OTUD7A: variants seen among roughly 807,000 people sequenced by gnomAD.
OTUD7A encodes the protein OTU domain-containing protein 7A.
OTUD7A carries 12 observed loss-of-function variants against 65.7 expected under a neutral mutation model. That is an observed-to-expected ratio of 0.18 (90% confidence interval 0.12 to 0.30). The LOEUF is 0.30. Ranked by LOEUF, OTUD7A falls within the 10% of genes least tolerant of loss-of-function variation. The pLI is 1.00. For missense variants in OTUD7A, 1,148 were observed against 1,304.8 expected (o/e 0.88, Z 1.85); for synonymous variants, 641 against 586.3 (o/e 1.09, Z -1.35).
chr15:31,669,591 A>AG (rs1266682538), intron 1 of OTUD7A, among the ~76,000 whole-genome samples: 1 of 151,832 alleles, frequency 6.6e-6, no homozygotes, highest in Non-Finnish European at 1.5e-5. Flanking sequence ...TAGAAAGAAA[A>AG]GGGCTTGGTT....
At chr15:31,520,053 A>G (rs2041916944) in intron 8 of OTUD7A, among the ~76,000 whole-genome samples, 1 of 152,218 alleles carries the variant, frequency 6.6e-6, no homozygotes, top group Non-Finnish European at 1.5e-5. Flanking sequence ...ACATCATTAA[A>G]ATGACTATAT....
In OTUD7A at chr15:31,475,895, A is replaced by C. The variant is rs779753050; in HGVS notation, c.*7399T>G. The C allele has an allele frequency of 2.6e-5, 4 of 152,276 alleles. No homozygotes were observed. The highest frequency in any genetic ancestry group is 5.9e-5 in the Non-Finnish European group (4 of 68,050). The allele number at this position is 152,276 out of a possible 1,614,324, so 9.4% of individuals were successfully genotyped here. On this transcript the variant is annotated 3_prime_UTR_variant, in exon 13 of 13. Coordinates refer to ENST00000307050, the MANE Select transcript of OTUD7A (RefSeq NM_001382637.1). ...CAAAAATCAGTCAAAGAAACCAAAA[A>C]AGAAAAAAGAGGAACATTCACTGAC...
chr15:31,521,583 G>T (rs545218154), intron 8 of OTUD7A, among the ~76,000 whole-genome samples: 3 of 152,210 alleles, frequency 2.0e-5, no homozygotes, highest in African/African-American at 7.2e-5. Context: ...CTGTGGTGTG[G>T]GCATCTCCCA....
intron 1 of OTUD7A, among the ~76,000 whole-genome samples, chr15:31,666,792 C>A (rs1460119811): frequency 6.6e-6 from 1 of 152,034 alleles, no homozygotes; most frequent in Non-Finnish European, 1.5e-5. Flanking sequence ...CTCCTAGTAT[C>A]CCCTTTGCTG....
At chr15:31,852,609 C>CA (rs1390033085) in intron 1 of OTUD7A, among the ~76,000 whole-genome samples, 1 of 152,146 alleles carries the variant, frequency 6.6e-6, no homozygotes, top group African/African-American at 2.4e-5. Context: ...TACAAAGGAC[C>CA]AAGTCAGACA....
chr15:31,682,005 G>A (rs1222007651), intron 1 of OTUD7A, among the ~76,000 whole-genome samples: 1 of 152,180 alleles, frequency 6.6e-6, no homozygotes, highest in Non-Finnish European at 1.5e-5. Context: ...CTAGACTGGA[G>A]TGGAGGAGAG....
chr15:31,801,860 T>C (rs1896133582), intron 1 of OTUD7A, among the ~76,000 whole-genome samples: 1 of 152,170 alleles, frequency 6.6e-6, no homozygotes, highest in African/African-American at 2.4e-5. Flanking sequence ...TTTATTTATA[T>C]ATTTTTATAT....
chr15:31,621,048 T>G (rs1365759792), intron 3 of OTUD7A, among the ~76,000 whole-genome samples: 1 of 149,958 alleles, frequency 6.7e-6, no homozygotes, highest in Non-Finnish European at 1.5e-5. Flanking sequence ...CAGGAGCAGG[T>G]TGTTCAGTTT....
chr15:31,774,558 T>C (rs746960643), intron 1 of OTUD7A, among the ~76,000 whole-genome samples: 40 of 152,172 alleles, frequency 2.6e-4, no homozygotes, highest in Admixed American at 4.6e-4. Flanking sequence ...CAGCACACTC[T>C]GTTAATGAGG....
chr15:31,559,231 G>GT, intron 4 of OTUD7A, 44 bp from the exon 5 acceptor site: 1 of 1,567,614 alleles, frequency 6.4e-7, no homozygotes, highest in Non-Finnish European at 8.7e-7. Flanking sequence ...CTGAGTGGGT[G>GT]TAGGTGTGGC....
At chr15:31,565,914 C>T (rs892905978) in intron 4 of OTUD7A, among the ~76,000 whole-genome samples, 9 of 152,176 alleles carry the variant, frequency 5.9e-5, no homozygotes, top group Admixed American at 1.3e-4. Context: ...TATTTCAGGC[C>T]GGGCACGGTG....
intron 1 of OTUD7A, among the ~76,000 whole-genome samples, chr15:31,663,290 T>C (rs1892220831): frequency 8.1e-6 from 1 of 123,312 alleles, no homozygotes; most frequent in Admixed American, 7.9e-5. Context: ...CACAAGTTTT[T>C]AAAAATTTAA....
In OTUD7A at chr15:31,655,106, G is replaced by T; in HGVS notation, c.141C>A (p.Asp47Glu). 1 of 1,605,496 alleles carries T rather than the reference G, an allele frequency of 6.2e-7. No individual in the cohort carries two copies. The highest frequency in any genetic ancestry group is 8.5e-7 in the Non-Finnish European group (1 of 1,177,322). The change falls in exon 3 of 13, where the codon GAC becomes GAA. Residue 47 changes from aspartate to glutamate, a missense_variant. Physicochemically the swap from Asp to Glu is conservative, Grantham distance 45 (BLOSUM62 2). Coordinates refer to ENST00000307050, the MANE Select transcript of OTUD7A (RefSeq NM_001382637.1). Reference protein sequence around the residue: ...STGAEPGLARDLLEGKNWDLT... With the variant: ...STGAEPGLARELLEGKNWDLT... ...AGGAGGTGGGCTTACCTTCCAGCAG[G>T]TCTCTGGCCAGACCAGGTTCTGCCC...
At chr15:31,678,657 A>T (rs942751193) in intron 1 of OTUD7A, among the ~76,000 whole-genome samples, 19 of 152,190 alleles carry the variant, frequency 1.2e-4, no homozygotes, top group African/African-American at 3.9e-4. Context: ...GCTGCACAGA[A>T]GTCAAGAATT....
chr15:31,549,999 C>T (rs929367907), intron 5 of OTUD7A, among the ~76,000 whole-genome samples: 1 of 151,360 alleles, frequency 6.6e-6, no homozygotes, highest in Non-Finnish European at 1.5e-5. Flanking sequence ...ACTTGGGAGG[C>T]TGAGGCAGGA....
intron 1 of OTUD7A, among the ~76,000 whole-genome samples, chr15:31,702,330 A>G (rs1293667621): frequency 7.7e-6 from 1 of 130,630 alleles, no homozygotes; most frequent in Non-Finnish European, 1.6e-5. Context: ...AAGGAGTAAA[A>G]CTTATTTGCA....
rs758455439 is a variant in OTUD7A, at chr15:31,549,713, G to A, written c.550+9256C>T. Among the ~76,000 whole-genome samples the A allele has an allele frequency of 3.9e-5, 6 of 152,140 alleles. No homozygotes were observed. In the South Asian group the frequency reaches 6.2e-4, roughly 16 times the overall value. On this transcript the variant is annotated intron_variant, in intron 5 of 12. Transcript: ENST00000307050. The stretch of plus-strand genomic sequence containing the variant: ...AGGGAAGAGGGAAAGGGGGAGAGAG[G>A]AGAGATTCTCTGGCTGGTCTTGAAG...
chr15:31,860,645 G>A (rs28615088), intron 1 of OTUD7A, among the ~76,000 whole-genome samples: 860 of 54,512 alleles, frequency 0.016, 2 homozygotes, highest in South Asian at 0.028. Flanking sequence ...ATATATATAT[G>A]TATGTATGTG....
intron 3 of OTUD7A, among the ~76,000 whole-genome samples, chr15:31,643,423 T>G (rs1231393464): frequency 1.3e-5 from 2 of 152,240 alleles, no homozygotes; most frequent in African/African-American, 4.8e-5. Context: ...TTCCACTGAG[T>G]TACTTTTTCA....
Sources: gnomAD v4.1 joint callset for allele counts (sites outside exome capture counted in the v4.1 genomes callset) on GRCh38, gnomAD v4.1.1 for gene constraint, MANE v1.5 for transcripts, NCBI Gene and HGNC (gene_info 2026-07-23, HGNC 2026-07-21) for gene names.